DUSP11: variants seen among roughly 807,000 people sequenced by gnomAD.
DUSP11 encodes the protein dual specificity phosphatase 11, also known as RNA/RNP complex-1-interacting phosphatase.
Under a neutral mutation model 41.4 loss-of-function variants are expected in DUSP11, and 27 were observed. That is an observed-to-expected ratio of 0.65 (90% CI 0.48 to 0.90). DUSP11 has a LOEUF of 0.90. DUSP11 is among the 40% of genes least tolerant of loss of function. The pLI, the probability that DUSP11 is intolerant of heterozygous loss-of-function variation, is 0.00. For missense variants in DUSP11, 465 were observed against 461.1 expected (o/e 1.01, Z -0.08); for synonymous variants, 188 against 159.3 (o/e 1.18, Z -1.35).
At chr2:73,766,899 G>A in exon 7 of DUSP11, 2 of 1,611,610 alleles carry the variant, frequency 1.2e-6, no homozygotes, top group African/African-American at 1.3e-5. Flanking sequence ...GGCACCTATT[G>A]AATACTGAGG....
intron 2 of DUSP11, among the ~76,000 whole-genome samples, chr2:73,776,839 T>C (rs1473279505): frequency 6.6e-6 from 1 of 152,248 alleles, no homozygotes; most frequent in African/African-American, 2.4e-5. Context: ...TTAGTACTAC[T>C]GCTACTTCAT....
intron 8 of DUSP11, among the ~76,000 whole-genome samples, 184 bp from the exon 9 acceptor site, chr2:73,763,043 C>A (rs1415798422): frequency 2.0e-5 from 3 of 151,952 alleles, no homozygotes; most frequent in African/African-American, 7.3e-5. Flanking sequence ...TCCCTAAGTT[C>A]TTTATAAAAT....
chr2:73,763,212 T>C (rs1315031730), intron 8 of DUSP11, among the ~76,000 whole-genome samples: 1 of 152,186 alleles, frequency 6.6e-6, no homozygotes, highest in Non-Finnish European at 1.5e-5. Context: ...TCTAATCAAA[T>C]ACTTTCTCTC....
In DUSP11 at chr2:73,778,387, T is replaced by C. The variant is rs201327566; in HGVS notation, c.243-11A>G. Reference sequence around the variant, plus strand: ...AGATAGTCTTTCCACCTATTAGATATATTTTTTGTTAGCCAAATTGTATGT... The same window carrying C: ...AGATAGTCTTTCCACCTATTAGATACATTTTTTGTTAGCCAAATTGTATGT... On this transcript the variant is annotated splice_polypyrimidine_tract_variant and intron_variant, in intron 1 of 8. Transcript: ENST00000272444. 9.1e-5 allele frequency: 134 copies of C among 1,475,396 alleles called. No individual in the cohort carries two copies. Among genetic ancestry groups the C allele is most frequent in the Non-Finnish European group, 1.2e-4 (131 of 1,107,274 alleles). The allele number at this position is 1,475,396 out of a possible 1,614,324, so 91.4% of individuals were successfully genotyped here.
chr2:73,779,403 T>C (rs945617662), intron 1 of DUSP11: 6 of 177,322 alleles, frequency 3.4e-5, no homozygotes, highest in African/African-American at 1.4e-4. Context: ...AAAGGAGTTA[T>C]CTTTCAAATG....
chr2:73,767,056 C>G (rs967135226), intron 6 of DUSP11, 105 bp downstream of exon 6: 11 of 1,322,728 alleles, frequency 8.3e-6, no homozygotes, highest in Non-Finnish European at 1.2e-5. Context: ...TATATTGGAA[C>G]AAACGAATTA....
Position 73,770,312 on chromosome 2 carries a change from C to T in DUSP11, c.575-987G>A, listed in dbSNP as rs565809005. 2.6e-5 allele frequency among the ~76,000 whole-genome samples: 4 copies of T among 151,780 alleles called. No homozygotes were observed. The South Asian group carries it at 6.2e-4, about 24-fold the overall frequency. On this transcript the variant is annotated intron_variant, in intron 4 of 8. Coordinates refer to ENST00000272444, the Ensembl canonical transcript of DUSP11. ...GGTGGATCATCTGAGGTCAGGAGTT[C>T]GAGACCAGCCTGGCCAATATGGTGA...
chr2:73,778,207 TA>T, intron 2 of DUSP11, 93 bp downstream of exon 2: 2 of 815,296 alleles, frequency 2.5e-6, no homozygotes, highest in Non-Finnish European at 3.8e-6. Context: ...GTATTTGCTA[TA>T]AAAAGAGAAA....
chr2:73,768,117 T>C (rs1672504004), intron 5 of DUSP11: 1 of 152,250 alleles, frequency 6.6e-6, no homozygotes, highest in Non-Finnish European at 1.5e-5. Flanking sequence ...TCTCTGCTGA[T>C]CCTTACGTTC....
chr2:73,775,541 G>T (rs1449321317), intron 2 of DUSP11, among the ~76,000 whole-genome samples: 2 of 104,856 alleles, frequency 1.9e-5, no homozygotes, highest in African/African-American at 5.9e-5. Flanking sequence ...ACCACACCTG[G>T]CCTTTTTTTT....
chr2:73,767,341 AGTT>A (rs1197345519), intron 5 of DUSP11, 134 bp from the exon 6 acceptor site: 14 of 694,798 alleles, frequency 2.0e-5, no homozygotes, highest in African/African-American at 3.6e-5. Context: ...CAAATCCAGC[AGTT>A]ATTAAAGAAT....
chr2:73,769,186 A>AT, intron 5 of DUSP11, 79 bp downstream of exon 5: 3 of 1,302,300 alleles, frequency 2.3e-6, no homozygotes, highest in South Asian at 2.5e-5. Flanking sequence ...TACCAGTTCC[A>AT]TTTTTTACAA....
intron 5 of DUSP11, chr2:73,768,629 T>A: frequency 2.0e-6 from 2 of 985,406 alleles, no homozygotes; most frequent in Non-Finnish European, 2.4e-6. Context: ...TTTGTGTTCA[T>A]CGGTGTGCAA....
In DUSP11 at chr2:73,778,308, A is replaced by T; in HGVS notation, c.311T>A (p.Leu104Ter). ...GAATTAACTTTTGCTTACCTTTTGC[A>T]AAGGAACTTTGAAAGCAATGAAACG... Residue 104 changes from leucine (L) to a stop codon, truncating the protein, a stop_gained, in exon 2 of 9, where the codon TTG becomes TAG. Coordinates refer to ENST00000272444, the Ensembl canonical transcript of DUSP11. LOFTEE classifies it high-confidence loss of function. The T allele has an allele frequency of 1.3e-6, 2 of 1,572,574 alleles. No individual in the cohort carries two copies. Among genetic ancestry groups the T allele is most frequent in the Non-Finnish European group, 1.7e-6 (2 of 1,163,334 alleles).
chr2:73,766,414 G>A lies in DUSP11; in HGVS notation c.935+4C>T, dbSNP rs1672462916. On this transcript the variant is annotated splice_donor_region_variant and intron_variant, in intron 8 of 8. Coordinates refer to ENST00000272444, the Ensembl canonical transcript of DUSP11. Reference sequence around the variant, plus strand: ...TCTAGAAAAGGGAAAACAGAGAGAGGTACCTGACTGATTGTTGCAAACTTT... The same window carrying A: ...TCTAGAAAAGGGAAAACAGAGAGAGATACCTGACTGATTGTTGCAAACTTT... 6.2e-7 allele frequency: 1 copy of A among 1,607,880 alleles called. No individual in the cohort carries two copies. Among genetic ancestry groups the A allele is most frequent in the African/African-American group, 1.3e-5 (1 of 74,632 alleles).
chr2:73,764,121 T>C (rs1209722049), intron 8 of DUSP11, among the ~76,000 whole-genome samples: 1 of 152,216 alleles, frequency 6.6e-6, no homozygotes, highest in African/African-American at 2.4e-5. Context: ...ATATAGCTTT[T>C]TCTGTACTTT....
intron 4 of DUSP11, chr2:73,773,154 T>C (rs1453121864): frequency 6.6e-6 from 1 of 152,298 alleles, no homozygotes; most frequent in East Asian, 1.9e-4. Context: ...AGGTAAATCT[T>C]AAAGCAGGAA....
intron 8 of DUSP11, among the ~76,000 whole-genome samples, chr2:73,764,537 A>G (rs541665869): frequency 6.6e-6 from 1 of 152,346 alleles, no homozygotes; most frequent in East Asian, 1.9e-4. Context: ...TAAAATATCT[A>G]TCTGACTAAT....
intron 5 of DUSP11, chr2:73,768,340 C>A: frequency 2.1e-6 from 1 of 478,842 alleles, no homozygotes; most frequent in Non-Finnish European, 2.7e-6. Context: ...TACTCCCTCC[C>A]TAGACTGTTA....
Sources: allele counts gnomAD v4.1 joint callset (sites outside exome capture counted in the v4.1 genomes callset), GRCh38; gene constraint gnomAD v4.1.1; transcripts MANE v1.5; gene names NCBI Gene and HGNC (gene_info 2026-07-23, HGNC 2026-07-21).